ST14: variants seen among roughly 807,000 people sequenced by gnomAD.
The protein encoded by ST14 is suppressor of tumorigenicity 14 protein.
ST14 carries 40 observed loss-of-function variants against 96.5 expected under a neutral mutation model. That is an observed-to-expected ratio of 0.41 (90% CI 0.32 to 0.54). The LOEUF is 0.54. Ranked by LOEUF, ST14 falls within the 20% of genes least tolerant of loss-of-function variation. The pLI is 0.17. For missense variants in ST14, 1,066 were observed against 1,188.9 expected, an observed-to-expected ratio of 0.90 and a Z score of 1.52; for synonymous variants, 506 against 492.1, an observed-to-expected ratio of 1.03 and a Z score of -0.37.
chr11:130,170,935 T>C (rs1231405560), intron 1 of ST14, among the ~76,000 whole-genome samples: 1 of 152,196 alleles, frequency 6.6e-6, no homozygotes, highest in Non-Finnish European at 1.5e-5. Context: ...TGCAAAAAGC[T>C]GTACCTTTTT....
At chr11:130,168,928 G>A (rs1452715951) in intron 1 of ST14, among the ~76,000 whole-genome samples, 1 of 151,958 alleles carries the variant, frequency 6.6e-6, no homozygotes, top group East Asian at 1.9e-4. Flanking sequence ...CACCAAGTCA[G>A]AAACAGACTG....
intron 1 of ST14, among the ~76,000 whole-genome samples, chr11:130,180,139 C>T (rs1334607839): frequency 2.0e-5 from 3 of 152,326 alleles, no homozygotes; most frequent in Middle Eastern, 3.4e-3. Context: ...TGGCACTTGG[C>T]AGCAGCACAC....
At chr11:130,160,739 T>C (rs1442397756) in intron 1 of ST14, among the ~76,000 whole-genome samples, 1 of 152,230 alleles carries the variant, frequency 6.6e-6, no homozygotes, top group African/African-American at 2.4e-5. Flanking sequence ...GAAAGACCTA[T>C]TGAAAGATCT....
chr11:130,160,188 A>T, intron 1 of ST14, 128 bp downstream of exon 1: 1 of 609,082 alleles, frequency 1.6e-6, no homozygotes, highest in Non-Finnish European at 2.4e-6. Flanking sequence ...CACAGGTGGA[A>T]TTTCCTGTTC....
Position 130,196,294 on chromosome 11 carries a change from G to A in ST14, c.1114-45G>A, listed in dbSNP as rs372540532. 2.1e-5 allele frequency: 31 copies of A among 1,476,122 alleles called. No individual in the cohort carries two copies. In the African/African-American group the frequency reaches 4.0e-4, roughly 19 times the overall value. 91.4% of individuals were successfully genotyped at this position (1,476,122 alleles called of 1,614,324 possible). On this transcript the variant is annotated intron_variant, in intron 9 of 18. Coordinates refer to ENST00000278742, the MANE Select transcript of ST14 (RefSeq NM_021978.4). ...CCTTTGACGTCCTCAGGTTCAGGGAGGAGGGAGGGGAACTGCACATTCCCA... is the reference window on the plus strand; with the variant it reads ...CCTTTGACGTCCTCAGGTTCAGGGAAGAGGGAGGGGAACTGCACATTCCCA...
In ST14 at chr11:130,187,911, C is replaced by G. The variant is rs1230132744; in HGVS notation, c.82-203C>G. ...TGGGAAGGCCGACCTCATGTTCCTC[C>G]CAGAGCATGCCCAGGGTTCATGTCC... is the stretch of plus-strand genomic sequence containing the variant. On this transcript the variant is annotated intron_variant, in intron 1 of 18. Transcript: ENST00000278742. The surrounding 1 kb of genome is among the most constrained non-coding windows in gnomAD (Gnocchi z 4.5). Among the ~76,000 whole-genome samples, 1 of 152,228 alleles carries G rather than the reference C, an allele frequency of 6.6e-6. No homozygotes were observed. The highest frequency in any genetic ancestry group is 6.5e-5 in the Admixed American group (1 of 15,282).
In ST14 at chr11:130,209,872, A is replaced by C; in HGVS notation, c.*49A>C. On this transcript the variant is annotated 3_prime_UTR_variant, in exon 19 of 19. Coordinates refer to ENST00000278742, the MANE Select transcript of ST14 (RefSeq NM_021978.4). ...ACACCTGCGGGGCCACCCATCGTCC[A>C]CCCCAGTGTGCACGCCTGCAGGCTG... is the stretch of plus-strand genomic sequence containing the variant. 4 of 1,604,486 alleles carry C rather than the reference A, an allele frequency of 2.5e-6. No homozygotes were observed. The highest frequency in any genetic ancestry group is 8.5e-7 in the Non-Finnish European group (1 of 1,177,894).
chr11:130,181,756 T>G lies in ST14; in HGVS notation c.82-6358T>G, dbSNP rs561319465. On this transcript the variant is annotated intron_variant, in intron 1 of 18. Coordinates refer to ENST00000278742, the MANE Select transcript of ST14 (RefSeq NM_021978.4). The surrounding 1 kb of genome is among the most constrained non-coding windows in gnomAD (Gnocchi z 4.1). ...CTTTCATCCTCAGTGTTCTTATCAA[T>G]AAAACGATGGGATTATGCAACAGTA... Among the ~76,000 whole-genome samples, 2 of 151,828 alleles carry G rather than the reference T, an allele frequency of 1.3e-5. No homozygotes were observed. Among genetic ancestry groups the G allele is most frequent in the Non-Finnish European group, 2.9e-5 (2 of 67,946 alleles).
At chr11:130,195,710 G>C (rs928366953) in intron 9 of ST14, among the ~76,000 whole-genome samples, 19 of 152,010 alleles carry the variant, frequency 1.2e-4, no homozygotes, top group East Asian at 1.9e-4. Flanking sequence ...AAAATTAGCC[G>C]GGTGTGATGG....
At chr11:130,168,938 G>A (rs1248151772) in intron 1 of ST14, among the ~76,000 whole-genome samples, 1 of 151,962 alleles carries the variant, frequency 6.6e-6, no homozygotes, top group African/African-American at 2.4e-5. Context: ...GAAACAGACT[G>A]TGGCACCTCC....
chr11:130,175,531 C>G (rs559725375), intron 1 of ST14, among the ~76,000 whole-genome samples: 1 of 152,078 alleles, frequency 6.6e-6, no homozygotes, highest in South Asian at 2.1e-4. Flanking sequence ...AGGCATGTGC[C>G]ACCATGCCCG....
intron 1 of ST14, among the ~76,000 whole-genome samples, chr11:130,172,161 C>A (rs968713846): frequency 6.6e-6 from 1 of 151,946 alleles, no homozygotes; most frequent in African/African-American, 2.4e-5. Flanking sequence ...GTTGCCCAAG[C>A]TGGAGTGCAG....
chr11:130,164,739 A>C (rs1165209927), intron 1 of ST14, among the ~76,000 whole-genome samples: 1 of 146,228 alleles, frequency 6.8e-6, no homozygotes, highest in Non-Finnish European at 1.5e-5. Flanking sequence ...TATTATTATT[A>C]TTATTATTAT....
At chr11:130,197,238 A>G (rs1020107402) in intron 11 of ST14, among the ~76,000 whole-genome samples, 4 of 152,192 alleles carry the variant, frequency 2.6e-5, no homozygotes, top group African/African-American at 9.7e-5. Context: ...TCACCACCAA[A>G]AGTACACTTG....
At chr11:130,171,635 A>C (rs554727651) in intron 1 of ST14, among the ~76,000 whole-genome samples, 1 of 152,278 alleles carries the variant, frequency 6.6e-6, no homozygotes, top group South Asian at 2.1e-4. Context: ...GTGTCTTTCC[A>C]CAAGGTCAGA....
intron 1 of ST14, among the ~76,000 whole-genome samples, chr11:130,161,234 G>A (rs988142259): frequency 3.9e-5 from 6 of 152,252 alleles, no homozygotes; most frequent in African/African-American, 1.4e-4. Flanking sequence ...AAGGAGGAAA[G>A]CTTCCAGTGG....
At chr11:130,164,561 G>A (rs139210697) in intron 1 of ST14, among the ~76,000 whole-genome samples, 1 of 151,640 alleles carries the variant, frequency 6.6e-6, no homozygotes, top group Non-Finnish European at 1.5e-5. Flanking sequence ...TGGGACTACA[G>A]GTGGGCACCA....
rs756279131 is a variant in ST14 at position 130,190,097 on chromosome 11, CCTT to C, written c.599-12_599-10del. 1.1e-4 allele frequency: 184 copies of C among 1,614,036 alleles called. No individual in the cohort carries two copies. The highest frequency in any genetic ancestry group is 1.5e-4 in the Non-Finnish European group (181 of 1,180,020). The stretch of plus-strand genomic sequence containing the variant: ...ATTGTATCAGGAAATGCTTTATTCT[CCTT>C]CTTATTCTTCAGCCACGGACTCCAA... On this transcript the variant is annotated splice_polypyrimidine_tract_variant and intron_variant, in intron 5 of 18. Transcript: ENST00000278742.
At chr11:130,191,295 G>A (rs1450354848) in intron 7 of ST14, among the ~76,000 whole-genome samples, 1 of 152,124 alleles carries the variant, frequency 6.6e-6, no homozygotes, top group Non-Finnish European at 1.5e-5. Flanking sequence ...TTGCACCACT[G>A]CACTCCAGCC....
Sources: allele counts gnomAD v4.1 joint callset (sites outside exome capture counted in the v4.1 genomes callset), GRCh38; gene constraint gnomAD v4.1.1; non-coding constraint Gnocchi (gnomAD v3.1); transcripts MANE v1.5; gene names NCBI Gene and HGNC (gene_info 2026-07-23, HGNC 2026-07-21).